Variants in KIAA1217 observed in about 807,000 individuals in gnomAD.
KIAA1217 encodes the protein sickle tail protein homolog.
KIAA1217 carries 88 observed loss-of-function variants against 163.9 expected under a neutral mutation model. The ratio of observed to expected loss-of-function variants is 0.54; its 90% CI spans 0.45 to 0.64. The LOEUF (loss-of-function observed/expected upper bound fraction) is 0.64. KIAA1217 is among the 30% of genes least tolerant of loss of function. KIAA1217 has a pLI of 0.00. For missense variants in KIAA1217, 2,372 were observed against 2,475.0 expected, an observed-to-expected ratio of 0.96 and a Z score of 0.88; for synonymous variants, 903 against 923.1, an observed-to-expected ratio of 0.98 and a Z score of 0.39.
Position 24,360,040 on chromosome 10 carries a change from C to CTTTTTT in KIAA1217, c.355-20810_355-20805dup, listed in dbSNP as rs34396312. Among the ~76,000 whole-genome samples the CTTTTTT allele has an allele frequency of 9.5e-5, 9 of 94,278 alleles. No individual in the cohort carries two copies. The East Asian group carries it at 1.1e-3, about 11-fold the overall frequency. The allele number at this position is 94,278 out of a possible 152,430, so 61.9% of individuals were successfully genotyped here. On this transcript the variant is annotated intron_variant, in intron 2 of 20. Transcript: ENST00000376454. ...ACTGTGTATCTTTAGGATATAATTA[C>CTTTTTT]TTTTTTTTTTTTTTTTTTTTTTTTG...
At chr10:23,739,366 G>A (rs1008145658) in intron 1 of KIAA1217, among the ~76,000 whole-genome samples, 1 of 152,190 alleles carries the variant, frequency 6.6e-6, no homozygotes, top group Non-Finnish European at 1.5e-5. Flanking sequence ...AATTGCACTT[G>A]CACTCTTAAA....
intron 1 of KIAA1217, among the ~76,000 whole-genome samples, chr10:23,913,506 T>G (rs1842520291): frequency 6.6e-6 from 1 of 152,008 alleles, no homozygotes; most frequent in Non-Finnish European, 1.5e-5. Flanking sequence ...GTCTGTGGAT[T>G]TTTTGGAGAT....
At chr10:24,421,555 A>T (rs1245929085) in intron 3 of KIAA1217, among the ~76,000 whole-genome samples, 1 of 152,186 alleles carries the variant, frequency 6.6e-6, no homozygotes, top group Non-Finnish European at 1.5e-5. Context: ...ATGCAGTGAC[A>T]GCAAAAATTC....
chr10:23,906,303 C>T (rs1842162332), intron 1 of KIAA1217, among the ~76,000 whole-genome samples: 1 of 151,926 alleles, frequency 6.6e-6, no homozygotes, highest in African/African-American at 2.4e-5. Context: ...AACACGTACA[C>T]ACCCCAAACA....
intron 2 of KIAA1217, among the ~76,000 whole-genome samples, chr10:24,162,418 G>A (rs568813377): frequency 5.3e-5 from 8 of 152,286 alleles, no homozygotes; most frequent in South Asian, 2.1e-4. Context: ...AGGCGTTGTT[G>A]GCATTTGGCA....
At chr10:24,106,217 C>T (rs532925554) in intron 2 of KIAA1217, among the ~76,000 whole-genome samples, 2 of 152,162 alleles carry the variant, frequency 1.3e-5, no homozygotes, top group African/African-American at 2.4e-5. Flanking sequence ...TTGGCTGGGA[C>T]GATGGCACCT....
chr10:24,103,644 G>T (rs1195245507), intron 2 of KIAA1217, among the ~76,000 whole-genome samples: 1 of 151,962 alleles, frequency 6.6e-6, no homozygotes, highest in Non-Finnish European at 1.5e-5. Context: ...CATATGAAAA[G>T]ATGTTCTACA....
chr10:24,273,784 T>C lies in KIAA1217; in HGVS notation c.354+53875T>C, dbSNP rs1043820899. Among the ~76,000 whole-genome samples, 19 of 138,262 alleles carry C rather than the reference T, an allele frequency of 1.4e-4. 1 individual carries two copies. Among genetic ancestry groups the C allele is most frequent in the Admixed American group, 1.2e-3 (16 of 13,164 alleles). The allele number at this position is 138,262 out of a possible 152,430, so 90.7% of individuals were successfully genotyped here. On this transcript the variant is annotated intron_variant, in intron 2 of 20. Transcript: ENST00000376454. ...TGGAGAATCGCCTGAGCACACGAGA[T>C]GGAGGTTGCAGTGAGCCGAGATCGT...
chr10:24,112,059 C>A (rs1029649899), intron 2 of KIAA1217, among the ~76,000 whole-genome samples: 1 of 152,096 alleles, frequency 6.6e-6, no homozygotes. Context: ...CCTTGGACTC[C>A]CAAAGTACTG....
At chr10:24,399,973 A>G (rs531700028) in intron 3 of KIAA1217, among the ~76,000 whole-genome samples, 1 of 152,382 alleles carries the variant, frequency 6.6e-6, no homozygotes, top group Non-Finnish European at 1.5e-5. Context: ...GATATTTCAG[A>G]GATGGGTACC....
chr10:24,218,781 G>A (rs1045733713), intron 1 of KIAA1217, among the ~76,000 whole-genome samples: 15 of 152,048 alleles, frequency 9.9e-5, no homozygotes, highest in East Asian at 5.8e-4. Flanking sequence ...GAGCCACGGC[G>A]CCTGGCCCTC....
At chr10:24,492,406 C>G (rs576529825) in intron 6 of KIAA1217, among the ~76,000 whole-genome samples, 2 of 152,300 alleles carry the variant, frequency 1.3e-5, no homozygotes, top group African/African-American at 4.8e-5. Flanking sequence ...GCTGGTGTAC[C>G]TGGAAACATT....
chr10:23,820,983 TG>T (rs1837591881), intron 1 of KIAA1217, among the ~76,000 whole-genome samples: 1 of 152,074 alleles, frequency 6.6e-6, no homozygotes, highest in South Asian at 2.1e-4. Context: ...TTATGTTGTG[TG>T]GGTGAGATAA....
chr10:24,232,866 AGC>A (rs1564311869), intron 2 of KIAA1217, among the ~76,000 whole-genome samples: 3 of 137,910 alleles, frequency 2.2e-5, no homozygotes, highest in African/African-American at 8.0e-5. Context: ...CATTAATCCC[AGC>A]ACTTTGGGAG....
intron 1 of KIAA1217, among the ~76,000 whole-genome samples, chr10:23,931,498 C>A (rs917620123): frequency 2.6e-5 from 4 of 152,184 alleles, no homozygotes; most frequent in Admixed American, 6.5e-5. Flanking sequence ...ATAGTGTGAG[C>A]TTTATCCACC....
intron 1 of KIAA1217, among the ~76,000 whole-genome samples, chr10:24,211,585 GTA>G (rs2068126591): frequency 1.4e-5 from 2 of 139,480 alleles, no homozygotes; most frequent in Non-Finnish European, 3.1e-5. Flanking sequence ...GTATTGTATT[GTA>G]TTGTATTTTA....
intron 19 of KIAA1217, among the ~76,000 whole-genome samples, 189 bp downstream of exon 19, chr10:24,544,670 C>A (rs1396944244): frequency 1.3e-5 from 2 of 151,710 alleles, no homozygotes; most frequent in East Asian, 3.9e-4. Context: ...AACTAGGTAT[C>A]TAACAGCTAA....
intron 1 of KIAA1217, among the ~76,000 whole-genome samples, chr10:23,887,692 C>A (rs1378812800): frequency 6.6e-6 from 1 of 151,692 alleles, no homozygotes; most frequent in South Asian, 2.1e-4. Flanking sequence ...TTTGAAAGAA[C>A]CTGAAATTTT....
chr10:24,524,677 G>A lies in KIAA1217; in HGVS notation c.2811G>A (p.Gln937=). The A allele has an allele frequency of 6.2e-7, 1 of 1,614,136 alleles. No homozygotes were observed. Among genetic ancestry groups the A allele is most frequent in the Non-Finnish European group, 8.5e-7 (1 of 1,179,992 alleles). ...LQMSQAPQSP[Q]IPMNGSAMQS... is the part of the protein sequence containing the mutation. ...TGTCGCAGGCTCCGCAGTCCCCACA[G>A]ATACCCATGAATGGGTCTGCCATGC... is the stretch of plus-strand genomic sequence containing the variant. The change falls in exon 13 of 21, where the codon CAG becomes CAA. Residue 937 remains glutamine, a synonymous_variant. Transcript: ENST00000376454.
Sources: gnomAD v4.1 joint callset for allele counts (sites outside exome capture counted in the v4.1 genomes callset) on GRCh38, gnomAD v4.1.1 for gene constraint, MANE v1.5 for transcripts, NCBI Gene and HGNC (gene_info 2026-07-23, HGNC 2026-07-21) for gene names.